Variants in CLEC17A observed in about 807,000 individuals in gnomAD.
The protein encoded by CLEC17A is C-type lectin domain family 17, member A.
In CLEC17A, 37 loss-of-function variants were observed where a neutral mutation model predicts 61.3. The ratio of observed to expected loss-of-function variants is 0.60; its 90% CI spans 0.46 to 0.79. The LOEUF (loss-of-function observed/expected upper bound fraction) is 0.79. Ranked by LOEUF, CLEC17A falls within the 30% of genes least tolerant of loss-of-function variation. The pLI, the probability that CLEC17A is intolerant of heterozygous loss-of-function variation, is 0.00. For missense variants in CLEC17A, 418 were observed against 464.7 expected, an observed-to-expected ratio of 0.90 and a Z score of 0.92; for synonymous variants, 168 against 164.9, an observed-to-expected ratio of 1.02 and a Z score of -0.14.
Position 14,585,919 on chromosome 19 carries a change from G to A in CLEC17A, c.122-1695G>A, listed in dbSNP as rs550352665. 2.6e-4 allele frequency among the ~76,000 whole-genome samples: 39 copies of A among 150,170 alleles called. No homozygotes were observed. In the East Asian group the frequency reaches 5.8e-3, roughly 23 times the overall value. On this transcript the variant is annotated intron_variant, in intron 2 of 13. Coordinates refer to ENST00000417570, the MANE Select transcript of CLEC17A (RefSeq NM_001204118.2). ...CCATAGATAACTGACCCAGTGCCCTGGTACTTCACCATGGAATGTGGGGGA... is the reference window on the plus strand; with the variant it reads ...CCATAGATAACTGACCCAGTGCCCTAGTACTTCACCATGGAATGTGGGGGA...
chr19:14,595,197 CA>C, intron 7 of CLEC17A, 76 bp from the exon 8 acceptor site: 2 of 1,547,446 alleles, frequency 1.3e-6, no homozygotes, highest in South Asian at 2.2e-5. Flanking sequence ...GACCAGAGAA[CA>C]AAACAGAGGT....
At chr19:14,581,888 G>A (rs923192134), upstream of CLEC17A, among the ~76,000 whole-genome samples, 2 of 152,110 alleles carry the variant, frequency 1.3e-5, no homozygotes, top group Non-Finnish European at 2.9e-5. Flanking sequence ...CTGACCTCAC[G>A]TGATCCACCC....
chr19:14,606,491 C>G (rs1302051837), intron 12 of CLEC17A, among the ~76,000 whole-genome samples: 1 of 151,832 alleles, frequency 6.6e-6, no homozygotes, highest in Non-Finnish European at 1.5e-5. Flanking sequence ...TCAGGCTGGT[C>G]AACATGGCGA....
Position 14,610,178 on chromosome 19 carries a change from G to A in CLEC17A, c.1119G>A (p.Glu373=), listed in dbSNP as rs2075014188. ...ACAAAACTACGTATTGGATTTGTGA[G>A]CGGAAATGTTCCTGTTGAAGCCCAG... The part of the protein sequence containing the change: ...SCYKTTYWIC[E]RKCSC The change falls in exon 14 of 14, where the codon GAG becomes GAA. Residue 373 remains glutamate, a synonymous_variant. Coordinates refer to ENST00000417570, the MANE Select transcript of CLEC17A (RefSeq NM_001204118.2). The A allele has an allele frequency of 1.3e-6, 2 of 1,572,986 alleles. No individual in the cohort carries two copies. Among genetic ancestry groups the A allele is most frequent in the African/African-American group, 2.7e-5 (2 of 73,992 alleles).
At chr19:14,593,688 C>T (rs1180909473) in intron 4 of CLEC17A, among the ~76,000 whole-genome samples, 4 of 151,596 alleles carry the variant, frequency 2.6e-5, no homozygotes, top group East Asian at 2.0e-4. Flanking sequence ...GGGCTGGGTG[C>T]GGTGGCTCAC....
chr19:14,588,589 G>A (rs1347036833), intron 3 of CLEC17A: 2 of 152,060 alleles, frequency 1.3e-5, no homozygotes, highest in Non-Finnish European at 2.9e-5. Flanking sequence ...GAGCTGATCA[G>A]TAGTGCGACT....
rs2074256261 is a variant in CLEC17A, at chr19:14,585,166, G to T, written c.121+1732G>T. On this transcript the variant is annotated intron_variant, in intron 2 of 13. Coordinates refer to ENST00000417570, the MANE Select transcript of CLEC17A (RefSeq NM_001204118.2). The stretch of plus-strand genomic sequence containing the variant: ...CATTAGTTTTTATGAGAGGAAACCA[G>T]AGAATTTAAAAAAAATATTTTTGAG... 3.3e-5 allele frequency among the ~76,000 whole-genome samples: 5 copies of T among 152,296 alleles called. No homozygotes were observed. In the South Asian group the frequency reaches 1.0e-3, roughly 32 times the overall value.
chr19:14,595,021 A>G (rs909638292), intron 7 of CLEC17A, among the ~76,000 whole-genome samples: 1 of 151,980 alleles, frequency 6.6e-6, no homozygotes, highest in Non-Finnish European at 1.5e-5. Context: ...ACAGGCACGA[A>G]CCACCACACC....
chr19:14,595,988 A>G, intron 8 of CLEC17A, among the ~76,000 whole-genome samples: 3 of 147,830 alleles, frequency 2.0e-5, no homozygotes. Flanking sequence ...GTTGGTAGAG[A>G]TGATGGTGGT....
At chr19:14,601,580 C>G (rs1158951982) in intron 12 of CLEC17A, among the ~76,000 whole-genome samples, 3 of 152,064 alleles carry the variant, frequency 2.0e-5, no homozygotes, top group Non-Finnish European at 4.4e-5. Context: ...AGTCCATGGT[C>G]TTGACCATAG....
At chr19:14,591,936 T>TGTGTGTGTGTGTGTA (rs1568449696) in intron 3 of CLEC17A, among the ~76,000 whole-genome samples, 1 of 100,202 alleles carries the variant, frequency 1.0e-5, no homozygotes, top group African/African-American at 4.6e-5. Flanking sequence ...GTGTGTGTGT[T>TGTGTGTGTGTGTGTA]TGTGTGAGGT....
At chr19:14,605,455 T>C (rs746094503) in intron 12 of CLEC17A, among the ~76,000 whole-genome samples, 1 of 152,152 alleles carries the variant, frequency 6.6e-6, no homozygotes, top group Admixed American at 6.6e-5. Context: ...TAGATGTGAT[T>C]TGCATATAGT....
At chr19:14,593,333 C>CA (rs57379897) in intron 4 of CLEC17A, among the ~76,000 whole-genome samples, 5,018 of 85,526 alleles carry the variant, frequency 0.059, 462 homozygotes, top group African/African-American at 0.2. Flanking sequence ...CCATCTCTAC[C>CA]AAAAAAAAAA....
chr19:14,584,839 AC>A (rs2074250278), intron 2 of CLEC17A, among the ~76,000 whole-genome samples: 1 of 150,394 alleles, frequency 6.6e-6, no homozygotes, highest in African/African-American at 2.5e-5. Flanking sequence ...CAACTTCATC[AC>A]CCTCTCTACT....
intron 4 of CLEC17A, 85 bp from the exon 5 acceptor site, chr19:14,594,432 T>G: frequency 2.6e-6 from 4 of 1,512,326 alleles, no homozygotes; most frequent in Non-Finnish European, 3.6e-6. Context: ...AATCCTCCAC[T>G]GCAATCCTAA....
At chr19:14,582,442 G>C (rs528604642), upstream of CLEC17A, among the ~76,000 whole-genome samples, 20 of 151,814 alleles carry the variant, frequency 1.3e-4, no homozygotes, top group African/African-American at 4.3e-4. Context: ...TCGATCTCCT[G>C]ACCTCGTGAT....
In CLEC17A at chr19:14,604,085, C is replaced by G. The variant is rs184041556; in HGVS notation, c.895-2908C>G. Among the ~76,000 whole-genome samples the G allele has an allele frequency of 6.4e-4, 97 of 152,290 alleles. No homozygotes were observed. The Middle Eastern group carries it at 0.01, about 16-fold the overall frequency. On this transcript the variant is annotated intron_variant, in intron 12 of 13. Coordinates refer to ENST00000417570, the MANE Select transcript of CLEC17A (RefSeq NM_001204118.2). ...CAAGAGATCTTTCTGCTCCTCCTAT[C>G]CCATTCTGGGGTCTAAGACACTGTG...
chr19:14,594,229 A>C, intron 4 of CLEC17A, among the ~76,000 whole-genome samples: 1 of 152,076 alleles, frequency 6.6e-6, no homozygotes, highest in East Asian at 1.9e-4. Context: ...GTGAGATGAG[A>C]TCACGCCACT....
At chr19:14,584,295 A>C (rs948923760) in intron 2 of CLEC17A, 12 of 152,128 alleles carry the variant, frequency 7.9e-5, no homozygotes, top group Non-Finnish European at 1.5e-4. Flanking sequence ...TCCAGGTTGG[A>C]AACGGAGCAG....
Sources: gnomAD v4.1 joint callset for allele counts (sites outside exome capture counted in the v4.1 genomes callset) on GRCh38, gnomAD v4.1.1 for gene constraint, MANE v1.5 for transcripts, NCBI Gene and HGNC (gene_info 2026-07-23, HGNC 2026-07-21) for gene names.